Variants in RCSD1 observed in about 807,000 individuals in gnomAD.
The protein encoded by RCSD1 is capZ-interacting protein.
RCSD1 carries 26 observed loss-of-function variants against 42.5 expected under a neutral mutation model. That is an observed-to-expected ratio of 0.61 (90% CI 0.45 to 0.85). The LOEUF is 0.85. RCSD1 is among the 40% of genes least tolerant of loss of function. The pLI, the probability that RCSD1 is intolerant of heterozygous loss-of-function variation, is 0.00. For missense variants in RCSD1, 571 were observed against 528.3 expected (o/e 1.08, Z -0.79); for synonymous variants, 220 against 212.2 (o/e 1.04, Z -0.32).
chr1:167,662,745 G>A (rs747373875), intron 1 of RCSD1, among the ~76,000 whole-genome samples: 1 of 152,208 alleles, frequency 6.6e-6, no homozygotes, highest in African/African-American at 2.4e-5. Flanking sequence ...GAGGAGGAGG[G>A]ATGGGATTCT....
chr1:167,650,531 T>A (rs1658275402), intron 1 of RCSD1, among the ~76,000 whole-genome samples: 1 of 152,118 alleles, frequency 6.6e-6, no homozygotes, highest in South Asian at 2.1e-4. Flanking sequence ...GGTCCAGCTC[T>A]GGCCTGGTAC....
chr1:167,663,789 A>C (rs1558080673), intron 1 of RCSD1: 1 of 152,262 alleles, frequency 6.6e-6, no homozygotes, highest in African/African-American at 2.4e-5. Flanking sequence ...CCACATTTTG[A>C]CTAACACCTA....
intron 4 of RCSD1, among the ~76,000 whole-genome samples, chr1:167,692,289 T>G (rs1659395362): frequency 6.6e-6 from 1 of 152,222 alleles, no homozygotes; most frequent in African/African-American, 2.4e-5. Context: ...TTTTCTTTTT[T>G]AGGATAGCCC....
At chr1:167,702,958 A>G (rs1659677614) in intron 6 of RCSD1, among the ~76,000 whole-genome samples, 1 of 152,220 alleles carries the variant, frequency 6.6e-6, no homozygotes, top group Non-Finnish European at 1.5e-5. Context: ...TGTATTAACA[A>G]TAAGTGCCGA....
chr1:167,694,352 C>T (rs1269596122), intron 5 of RCSD1, 50 bp downstream of exon 5: 8 of 1,527,824 alleles, frequency 5.2e-6, no homozygotes, highest in Non-Finnish European at 7.2e-6. Flanking sequence ...AATGTGGGCA[C>T]TGGCACCCCT....
chr1:167,645,559 T>C (rs918250778), intron 1 of RCSD1, among the ~76,000 whole-genome samples: 2 of 152,148 alleles, frequency 1.3e-5, no homozygotes, highest in Non-Finnish European at 2.9e-5. Context: ...AGAAGGCTTA[T>C]TGGGAGAGGG....
intron 3 of RCSD1, among the ~76,000 whole-genome samples, chr1:167,687,893 C>A (rs544332935): frequency 3.9e-5 from 6 of 152,380 alleles, no homozygotes; most frequent in African/African-American, 1.2e-4. Context: ...TTTAATGCAG[C>A]CACAGATCCT....
intron 3 of RCSD1, among the ~76,000 whole-genome samples, chr1:167,688,829 G>A (rs776524686): frequency 6.6e-6 from 1 of 152,108 alleles, no homozygotes; most frequent in Non-Finnish European, 1.5e-5. Flanking sequence ...CATACACATT[G>A]GTCTCCACAC....
chr1:167,634,784 G>A (rs1558069254), intron 1 of RCSD1, among the ~76,000 whole-genome samples: 3 of 152,118 alleles, frequency 2.0e-5, no homozygotes, highest in Non-Finnish European at 4.4e-5. Context: ...TGGGGTAACT[G>A]CAAATCATTC....
chr1:167,666,381 T>TA (rs1196737695), intron 1 of RCSD1, among the ~76,000 whole-genome samples: 1 of 152,230 alleles, frequency 6.6e-6, no homozygotes, highest in Non-Finnish European at 1.5e-5. Flanking sequence ...CCTGGCACAA[T>TA]AATCATTCAG....
chr1:167,696,526 A>C (rs1340294597), intron 5 of RCSD1, among the ~76,000 whole-genome samples: 1 of 150,092 alleles, frequency 6.7e-6, no homozygotes, highest in Non-Finnish European at 1.5e-5. Context: ...ATGACAGCTC[A>C]CTGCAGCCTC....
intron 1 of RCSD1, among the ~76,000 whole-genome samples, chr1:167,680,882 A>C (rs1396666477): frequency 2.6e-5 from 4 of 152,230 alleles, no homozygotes; most frequent in African/African-American, 9.6e-5. Flanking sequence ...AAAGTCTGGG[A>C]ATAGGTAGAG....
chr1:167,638,334 T>C (rs1375368807), intron 1 of RCSD1: 2 of 152,256 alleles, frequency 1.3e-5, no homozygotes, highest in African/African-American at 4.8e-5. Context: ...TATATATAGA[T>C]GCTGTGCACA....
intron 1 of RCSD1, among the ~76,000 whole-genome samples, chr1:167,677,236 A>G (rs1345194164): frequency 6.6e-6 from 1 of 152,206 alleles, no homozygotes; most frequent in African/African-American, 2.4e-5. Context: ...CGGTTACCCC[A>G]ATGCATTCTA....
At chr1:167,674,278 C>T (rs991003871) in intron 1 of RCSD1, among the ~76,000 whole-genome samples, 1 of 152,190 alleles carries the variant, frequency 6.6e-6, no homozygotes, top group Non-Finnish European at 1.5e-5. Flanking sequence ...GAAGAGACTG[C>T]TCAGATGTGT....
intron 1 of RCSD1, among the ~76,000 whole-genome samples, chr1:167,648,940 T>C (rs527406357): frequency 1.4e-4 from 21 of 152,314 alleles, no homozygotes; most frequent in African/African-American, 5.1e-4. Context: ...TGCTGGGAAT[T>C]CTGGACACAA....
intron 1 of RCSD1, among the ~76,000 whole-genome samples, chr1:167,678,056 C>T (rs1658991857): frequency 6.6e-6 from 1 of 152,176 alleles, no homozygotes. Context: ...CCAAAATGCC[C>T]TCCAGGCTCC....
At chr1:167,649,965 G>A (rs1263848340) in intron 1 of RCSD1, among the ~76,000 whole-genome samples, 4 of 152,164 alleles carry the variant, frequency 2.6e-5, no homozygotes, top group Non-Finnish European at 4.4e-5. Context: ...GTGCCAGAGG[G>A]GAACCAAGCA....
At chr1:167,689,957 C>T in intron 3 of RCSD1, 92 bp from the exon 4 acceptor site, 4 of 1,242,370 alleles carry the variant, frequency 3.2e-6, no homozygotes, top group South Asian at 1.3e-5. Context: ...ACCAACTTCT[C>T]TTCTCCTTCT....
Sources: allele counts gnomAD v4.1 joint callset (sites outside exome capture counted in the v4.1 genomes callset), GRCh38; gene constraint gnomAD v4.1.1; transcripts MANE v1.5; gene names NCBI Gene and HGNC (gene_info 2026-07-23, HGNC 2026-07-21).